SLC8A1: variants seen among roughly 807,000 people sequenced by gnomAD.
The protein encoded by SLC8A1 is solute carrier family 8 member A1, also known as sodium/calcium exchanger 1.
Under a neutral mutation model 68.3 loss-of-function variants are expected in SLC8A1, and 18 were observed. That is an observed-to-expected ratio of 0.26 (90% CI 0.18 to 0.39). The LOEUF (loss-of-function observed/expected upper bound fraction) is 0.39. Among genes scored for constraint, SLC8A1 ranks in the 10% least tolerant of loss-of-function variants. SLC8A1 has a pLI of 1.00. For synonymous variants in SLC8A1, 475 were observed against 415.5 expected (o/e 1.14, Z -1.74); for missense variants, 985 against 1,156.7 (o/e 0.85, Z 2.15).
At chr2:40,389,269 T>TG (rs1205041584) in intron 2 of SLC8A1, among the ~76,000 whole-genome samples, 2 of 152,050 alleles carry the variant, frequency 1.3e-5, no homozygotes, top group African/African-American at 4.8e-5. Context: ...CCCTTTATAA[T>TG]GTTGTGAATC....
chr2:40,177,092 C>T (rs1463441896), intron 3 of SLC8A1, among the ~76,000 whole-genome samples: 1 of 151,926 alleles, frequency 6.6e-6, no homozygotes, highest in East Asian at 1.9e-4. Flanking sequence ...CTGTAATTAT[C>T]AAGAGATTTT....
At chr2:40,162,138 G>C (rs368618) in intron 5 of SLC8A1, among the ~76,000 whole-genome samples, 3,720 of 152,250 alleles carry the variant, frequency 0.024, 166 homozygotes, top group African/African-American at 0.085. Context: ...TATGTCCTTA[G>C]GGTGATGACC....
At chr2:40,127,482 C>T (rs1193989184) in intron 7 of SLC8A1, among the ~76,000 whole-genome samples, 1 of 152,136 alleles carries the variant, frequency 6.6e-6, no homozygotes, top group East Asian at 1.9e-4. Context: ...TCTGAAGGCT[C>T]ATCATACACA....
At chr2:40,247,583 C>T (rs183888082) in intron 2 of SLC8A1, among the ~76,000 whole-genome samples, 228 of 152,260 alleles carry the variant, frequency 1.5e-3, no homozygotes, top group Non-Finnish European at 2.6e-3. Flanking sequence ...ATATAAGTCA[C>T]GTGTCACATT....
intron 2 of SLC8A1, among the ~76,000 whole-genome samples, chr2:40,254,047 G>A (rs1304646811): frequency 2.6e-5 from 4 of 151,964 alleles, no homozygotes; most frequent in African/African-American, 9.7e-5. Context: ...ACAAAGAAAT[G>A]GTAAATGTTT....
chr2:40,274,291 C>G (rs2066426662), intron 2 of SLC8A1, among the ~76,000 whole-genome samples: 1 of 150,544 alleles, frequency 6.6e-6, no homozygotes, highest in African/African-American at 2.5e-5. Context: ...ATTGAGTAAT[C>G]CGAACTTGCT....
chr2:40,399,639 T>A (rs530566607), intron 2 of SLC8A1, among the ~76,000 whole-genome samples: 1 of 152,232 alleles, frequency 6.6e-6, no homozygotes, highest in East Asian at 1.9e-4. Context: ...TTACCAAAAA[T>A]GCTATGCTGT....
intron 2 of SLC8A1, among the ~76,000 whole-genome samples, chr2:40,424,232 T>C (rs1366478382): frequency 6.6e-6 from 1 of 151,810 alleles, no homozygotes; most frequent in Non-Finnish European, 1.5e-5. Context: ...TCTGTTCTGA[T>C]CACTTCAAAT....
intron 2 of SLC8A1, among the ~76,000 whole-genome samples, chr2:40,392,222 G>C (rs1311081873): frequency 6.6e-6 from 1 of 151,036 alleles, no homozygotes; most frequent in Non-Finnish European, 1.5e-5. Context: ...AAAAAGAAAA[G>C]AGAAAGAAAA....
chr2:40,510,011 A>G (rs1706616257), intron 1 of SLC8A1, among the ~76,000 whole-genome samples: 1 of 152,174 alleles, frequency 6.6e-6, no homozygotes, highest in South Asian at 2.1e-4. Context: ...TATTTTTAGT[A>G]GAGACCGGGT....
intron 1 of SLC8A1, among the ~76,000 whole-genome samples, chr2:40,441,028 C>A (rs1336154606): frequency 2.0e-5 from 3 of 152,120 alleles, no homozygotes; most frequent in African/African-American, 7.2e-5. Context: ...ATTTAGAAAA[C>A]CCCAGTGTCT....
intron 1 of SLC8A1, among the ~76,000 whole-genome samples, chr2:40,459,868 C>A (rs908088355): frequency 1.3e-5 from 2 of 152,194 alleles, no homozygotes; most frequent in Non-Finnish European, 2.9e-5. Context: ...ACACAACACA[C>A]ACACACTCTT....
At chr2:40,285,998 G>A (rs1168890686) in intron 2 of SLC8A1, among the ~76,000 whole-genome samples, 1 of 152,124 alleles carries the variant, frequency 6.6e-6, no homozygotes, top group African/African-American at 2.4e-5. Flanking sequence ...AGAGGAAAAT[G>A]TTAGGACCAG....
rs184791935 is a variant in SLC8A1 at position 40,504,822 on chromosome 2, G to T, written c.-25+7527C>A. Among the ~76,000 whole-genome samples, 430 of 152,052 alleles carry T rather than the reference G, an allele frequency of 2.8e-3. 1 individual carries two copies. Among genetic ancestry groups the T allele is most frequent in the Non-Finnish European group, 5.0e-3 (342 of 67,906 alleles). ...ACAGGCAATAACAAATGCTGGTGAG[G>T]ATGTGGTGTAAAGGAACCCTTTGTA... On this transcript the variant is annotated intron_variant, in intron 1 of 7. Transcript: ENST00000402441.
chr2:40,172,739 G>A (rs543115235), intron 4 of SLC8A1, among the ~76,000 whole-genome samples: 2 of 152,202 alleles, frequency 1.3e-5, no homozygotes, highest in South Asian at 4.1e-4. Flanking sequence ...TCAGGAGATT[G>A]AGACTCTCCT....
At chr2:40,372,830 G>T (rs1678572231) in intron 2 of SLC8A1, among the ~76,000 whole-genome samples, 1 of 152,058 alleles carries the variant, frequency 6.6e-6, no homozygotes, top group South Asian at 2.1e-4. Context: ...TGTAACAGTG[G>T]AAAGTCATTA....
At chr2:40,285,954 T>G (rs923340298) in intron 2 of SLC8A1, among the ~76,000 whole-genome samples, 14 of 152,136 alleles carry the variant, frequency 9.2e-5, no homozygotes, top group African/African-American at 3.4e-4. Flanking sequence ...CAAAATGATG[T>G]TTGAAATGCA....
At chr2:40,136,042 C>T (rs1433453039) in intron 7 of SLC8A1, among the ~76,000 whole-genome samples, 1 of 152,134 alleles carries the variant, frequency 6.6e-6, no homozygotes, top group Non-Finnish European at 1.5e-5. Flanking sequence ...ATGTCATTTA[C>T]ACCATGGAGA....
chr2:40,189,610 G>A (rs1392211174), intron 2 of SLC8A1, among the ~76,000 whole-genome samples: 5 of 152,130 alleles, frequency 3.3e-5, no homozygotes. Context: ...CCCTGTGCCT[G>A]GCCCATTTTC....
Sources: allele counts gnomAD v4.1 joint callset (sites outside exome capture counted in the v4.1 genomes callset), GRCh38; gene constraint gnomAD v4.1.1; transcripts MANE v1.5; gene names NCBI Gene and HGNC (gene_info 2026-07-23, HGNC 2026-07-21).